Variants in ATR observed in about 807,000 individuals in gnomAD.
ATR encodes serine/threonine-protein kinase ATR.
ATR carries 142 observed loss-of-function variants against 305.3 expected under a neutral mutation model. The observed-to-expected ratio is 0.47, with a 90% CI of 0.41 to 0.53. The LOEUF (loss-of-function observed/expected upper bound fraction) is 0.53, where lower values mean the gene tolerates loss of function less well. Ranked by LOEUF, ATR falls within the 20% of genes least tolerant of loss-of-function variation. The probability of loss-of-function intolerance (pLI) is 0.00; values close to 1 mark genes in which losing one functional copy is unlikely to be tolerated. For missense variants in ATR, 2,135 were observed against 3,133.1 expected (o/e 0.68, Z 7.60); for synonymous variants, 1,050 against 1,068.1 (o/e 0.98, Z 0.33).
chr3:142,478,509 A>G (rs1480287766), intron 36 of ATR, among the ~76,000 whole-genome samples: 2 of 152,148 alleles, frequency 1.3e-5, no homozygotes, highest in East Asian at 3.8e-4. Flanking sequence ...TTTACTTCCA[A>G]CTATGTGGTC....
Position 142,449,799 on chromosome 3 carries a change from A to T in ATR, c.7762-197T>A, listed in dbSNP as rs2070741714. On this transcript the variant is annotated intron_variant, in intron 46 of 46. Coordinates refer to ENST00000350721, the MANE Select transcript of ATR (RefSeq NM_001184.4). The stretch of plus-strand genomic sequence containing the variant: ...ACTGATTTGGAGGCTCGCAAGATTG[A>T]TTCAACATCAACTGCTTGGACATGT... 2.8e-5 allele frequency: 17 copies of T among 598,334 alleles called. No homozygotes were observed. The South Asian group carries it at 3.4e-4, about 12-fold the overall frequency. 37.1% of individuals were successfully genotyped at this position (598,334 alleles called of 1,614,324 possible).
intron 1 of ATR, among the ~76,000 whole-genome samples, chr3:142,578,272 A>G: frequency 6.6e-6 from 1 of 152,264 alleles, no homozygotes; most frequent in East Asian, 1.9e-4. Context: ...TGATGGGTCA[A>G]GTCCCTCGTC....
In ATR at chr3:142,481,834, T is replaced by A. The variant is rs188163122; in HGVS notation, c.6221+3306A>T. Among the ~76,000 whole-genome samples, 433 of 152,120 alleles carry A rather than the reference T, an allele frequency of 2.8e-3. 1 individual carries two copies. The highest frequency in any genetic ancestry group is 0.01 in the Middle Eastern group (3 of 294). ...TTTATTTTGATTTATTTATTTATTT[T>A]TTTTTTGAGATAGAGTCTTTCTCTG... is the stretch of plus-strand genomic sequence containing the variant. On this transcript the variant is annotated intron_variant, in intron 36 of 46. Coordinates refer to ENST00000350721, the MANE Select transcript of ATR (RefSeq NM_001184.4).
chr3:142,530,618 A>G (rs777996524), intron 21 of ATR, among the ~76,000 whole-genome samples: 11 of 152,162 alleles, frequency 7.2e-5, no homozygotes, highest in Non-Finnish European at 1.5e-4. Context: ...TTCTTCATGA[A>G]TAGCTTTTTT....
chr3:142,453,568 C>T lies in ATR; in HGVS notation c.7656-335G>A, dbSNP rs7634495. Among the ~76,000 whole-genome samples, 2,822 of 152,186 alleles carry T rather than the reference C, an allele frequency of 0.019. 67 individuals carry two copies. The highest frequency in any genetic ancestry group is 0.058 in the African/African-American group (2,418 of 41,502). ...TTATCCCTTACCATGTCTTCAATAA[C>T]GATATAACATCTATAGCTACCATAT... On this transcript the variant is annotated intron_variant, in intron 45 of 46. Coordinates refer to ENST00000350721, the MANE Select transcript of ATR (RefSeq NM_001184.4).
intron 17 of ATR, among the ~76,000 whole-genome samples, chr3:142,541,733 G>A (rs371807997): frequency 6.6e-6 from 1 of 152,148 alleles, no homozygotes; most frequent in East Asian, 1.9e-4. Flanking sequence ...AGCAATTGGG[G>A]AAACAATAGG....
chr3:142,536,457 A>G (rs543312811), intron 19 of ATR, among the ~76,000 whole-genome samples: 1 of 152,350 alleles, frequency 6.6e-6, no homozygotes, highest in Admixed American at 6.5e-5. Context: ...CCATATATAC[A>G]GTCCCTTCCT....
At chr3:142,539,165 A>C (rs900888725) in intron 18 of ATR, among the ~76,000 whole-genome samples, 60 of 152,176 alleles carry the variant, frequency 3.9e-4, no homozygotes, top group African/African-American at 1.2e-3. Flanking sequence ...ATTCTTTATA[A>C]AAATTTTCTA....
At chr3:142,523,862 G>A (rs2033258543) in intron 22 of ATR, 131 bp downstream of exon 22, 1 of 985,344 alleles carries the variant, frequency 1.0e-6, no homozygotes, top group Middle Eastern at 2.3e-4. Flanking sequence ...AATAAACTCA[G>A]AAGTTAACTG....
rs771371223 is a variant in ATR at position 142,497,051 on chromosome 3, G to C, written c.5700C>G (p.Ile1900Met). The C allele has an allele frequency of 1.2e-6, 2 of 1,613,550 alleles. No homozygotes were observed. Among genetic ancestry groups the C allele is most frequent in the Non-Finnish European group, 8.5e-7 (1 of 1,179,812 alleles). The change falls in exon 33 of 47, where the codon ATC becomes ATG. Residue 1900 changes from isoleucine (I) to methionine (M), a missense_variant. Transcript: ENST00000350721. ...TQNSYRAKEP[I>M]LALRRALLSL... ...TTAGTAAAGCCCTCCGGAGAGCCAGGATAGGCTCCTTGGCTCTGTAGGAAT... is the reference window on the plus strand; with the variant it reads ...TTAGTAAAGCCCTCCGGAGAGCCAGCATAGGCTCCTTGGCTCTGTAGGAAT...
chr3:142,531,148 C>T (rs1255238610), intron 21 of ATR, among the ~76,000 whole-genome samples: 3 of 152,162 alleles, frequency 2.0e-5, no homozygotes, highest in Admixed American at 1.3e-4. Context: ...CTCTGCTTGA[C>T]ACTCTTTATG....
intron 46 of ATR, chr3:142,452,883 T>C: frequency 7.5e-7 from 1 of 1,339,406 alleles, no homozygotes; most frequent in Non-Finnish European, 9.6e-7. Context: ...AACTGTGAAT[T>C]GTCTATGGTT....
In ATR at chr3:142,464,022, T is replaced by C. The variant is rs536585510; in HGVS notation, c.7041+1075A>G. On this transcript the variant is annotated intron_variant, in intron 41 of 46. Coordinates refer to ENST00000350721, the MANE Select transcript of ATR (RefSeq NM_001184.4). ...GAATAATTCAAAATACATAAAACCATACATTTATAATAACCCTTTAATAAG... is the reference window on the plus strand; with the variant it reads ...GAATAATTCAAAATACATAAAACCACACATTTATAATAACCCTTTAATAAG... Among the ~76,000 whole-genome samples the C allele has an allele frequency of 4.6e-5, 7 of 152,338 alleles. No individual in the cohort carries two copies. In the East Asian group the frequency reaches 9.6e-4, roughly 21 times the overall value.
In ATR at chr3:142,535,202, T is replaced by C. The variant is rs2108425410; in HGVS notation, c.3823A>G (p.Thr1275Ala). 1 of 1,612,908 alleles carries C rather than the reference T, an allele frequency of 6.2e-7. No homozygotes were observed. Among genetic ancestry groups the C allele is most frequent in the Middle Eastern group, 1.7e-4 (1 of 6,044 alleles). Residue 1275 changes from threonine (T) to alanine (A), a missense_variant, in exon 21 of 47, where the codon ACC (threonine) becomes GCC (alanine). Coordinates refer to ENST00000350721, the MANE Select transcript of ATR (RefSeq NM_001184.4). ...GTCTGAAGATCAGTGCTCTCAGAGGTCTCCTATATACAAAGCACAGAGAGA... is the reference window on the plus strand; with the variant it reads ...GTCTGAAGATCAGTGCTCTCAGAGGCCTCCTATATACAAAGCACAGAGAGA... The part of the protein sequence containing the change: ...KAVLQEYRKE[T>A]SESTDLQTTL...
chr3:142,503,740 G>C (rs2032096085), intron 29 of ATR, among the ~76,000 whole-genome samples: 1 of 152,022 alleles, frequency 6.6e-6, no homozygotes, highest in Non-Finnish European at 1.5e-5. Context: ...TTTAACAATT[G>C]ATTTGCTTAC....
chr3:142,512,293 T>G lies in ATR; in HGVS notation c.4819A>C (p.Ser1607Arg). Residue 1607 changes from serine to arginine, a missense_variant, in exon 27 of 47, where the codon AGC (serine) becomes CGC (arginine). Ser to Arg is a moderately radical substitution (Grantham distance 110). Transcript: ENST00000350721. ...QALKAEKCPH[S>R]KSNRNKVDSM... ...TCTACCTTATTTCTGTTTGATTTGC[T>G]GTGTGGACATTTCTCAGCTTTCAGT... 1 of 1,613,274 alleles carries G rather than the reference T, an allele frequency of 6.2e-7. No individual in the cohort carries two copies. The highest frequency in any genetic ancestry group is 1.3e-5 in the African/African-American group (1 of 74,812).
rs755465446 is a variant in ATR at position 142,499,579 on chromosome 3, C to T, written c.5380+48G>A. 7 of 1,565,646 alleles carry T rather than the reference C, an allele frequency of 4.5e-6. No homozygotes were observed. The Middle Eastern group carries it at 5.0e-4, about 113-fold the overall frequency. On this transcript the variant is annotated intron_variant, in intron 31 of 46. Transcript: ENST00000350721. ...AAAGTGCTGGGATTACAGGCGTGAG[C>T]CACCGCACCCATCCTAAAACTGCTT...
At chr3:142,528,880 T>TATATATATATATATATATATATA (rs1491576068) in intron 21 of ATR, among the ~76,000 whole-genome samples, 2 of 38,630 alleles carry the variant, frequency 5.2e-5, no homozygotes, top group African/African-American at 4.3e-4. Context: ...TATATATATA[T>TATATATATATATATATATATATA]TTTTTTTTTT....
Position 142,499,659 on chromosome 3 carries a change from T to C in ATR, c.5348A>G (p.Gln1783Arg). The C allele has an allele frequency of 6.2e-7, 1 of 1,614,140 alleles. No individual in the cohort carries two copies. The highest frequency in any genetic ancestry group is 1.1e-5 in the South Asian group (1 of 91,074). ...CAAATAGTTTTCCACCAAATCCCAC[T>C]GTGACAATTTCCAAGCTGCTTCCAC... ...YRVEAAWKLS[Q>R]WDLVENYLAA... The change falls in exon 31 of 47, where the codon CAG becomes CGG. Residue 1783 changes from glutamine to arginine, a missense_variant. Coordinates refer to ENST00000350721, the MANE Select transcript of ATR (RefSeq NM_001184.4).
Sources: gnomAD v4.1 joint callset for allele counts (sites outside exome capture counted in the v4.1 genomes callset) on GRCh38, gnomAD v4.1.1 for gene constraint, MANE v1.5 for transcripts, NCBI Gene and HGNC (gene_info 2026-07-23, HGNC 2026-07-21) for gene names.